GPD1L: variants seen among roughly 807,000 people sequenced by gnomAD.
GPD1L encodes glycerol-3-phosphate dehydrogenase 1-like protein.
GPD1L carries 17 observed loss-of-function variants against 32.9 expected under a neutral mutation model. That is an observed-to-expected ratio of 0.52 (90% CI 0.35 to 0.78). The LOEUF is 0.78. Ranked by LOEUF, GPD1L falls within the 30% of genes least tolerant of loss-of-function variation. The probability of loss-of-function intolerance (pLI) is 0.01; values close to 1 mark genes in which losing one functional copy is unlikely to be tolerated. For missense variants in GPD1L, 361 were observed against 447.8 expected, an observed-to-expected ratio of 0.81 and a Z score of 1.75; for synonymous variants, 187 against 165.9, an observed-to-expected ratio of 1.13 and a Z score of -0.98.
intron 1 of GPD1L, among the ~76,000 whole-genome samples, chr3:32,115,210 A>G (rs1263556052): frequency 6.6e-6 from 1 of 151,888 alleles, no homozygotes; most frequent in East Asian, 1.9e-4. Context: ...TGCATTTACA[A>G]TCCTTTAGCT....
intron 1 of GPD1L, among the ~76,000 whole-genome samples, chr3:32,114,689 T>C (rs935750937): frequency 7.2e-5 from 11 of 152,266 alleles, no homozygotes; most frequent in African/African-American, 2.4e-4. Context: ...ACTTCGAGAA[T>C]GAAGCCGCGG....
intron 2 of GPD1L, 102 bp downstream of exon 2, chr3:32,128,355 C>T: frequency 1.1e-6 from 1 of 948,582 alleles, no homozygotes. Context: ...CCCTTTTCCC[C>T]AGTTCCTTTC....
intron 2 of GPD1L, among the ~76,000 whole-genome samples, chr3:32,129,461 A>G (rs1700556895): frequency 6.6e-6 from 1 of 152,184 alleles, no homozygotes. Flanking sequence ...AATCCTCTCA[A>G]TAACCCTCTT....
chr3:32,151,503 A>C, intron 5 of GPD1L: 1 of 332,000 alleles, frequency 3.0e-6, no homozygotes, highest in Non-Finnish European at 5.5e-6. Context: ...TTTTTGAGAC[A>C]GGGTCTCACT....
At chr3:32,149,812 G>T (rs991116708) in intron 5 of GPD1L, among the ~76,000 whole-genome samples, 1 of 152,142 alleles carries the variant, frequency 6.6e-6, no homozygotes, top group Non-Finnish European at 1.5e-5. Flanking sequence ...AGCTGGGCGT[G>T]GTGGTGTGTG....
At chr3:32,153,450 G>A (rs994820397) in intron 5 of GPD1L, among the ~76,000 whole-genome samples, 2 of 152,090 alleles carry the variant, frequency 1.3e-5, no homozygotes, top group African/African-American at 2.4e-5. Context: ...TTCTATCATT[G>A]CAGAAACTTC....
rs376067025 is a variant in GPD1L at position 32,110,311 on chromosome 3, AT to A, written c.47+3562del. Among the ~76,000 whole-genome samples the A allele has an allele frequency of 6.6e-5, 10 of 152,028 alleles. No individual in the cohort carries two copies. In the South Asian group the frequency reaches 1.7e-3, roughly 25 times the overall value. On this transcript the variant is annotated intron_variant, in intron 1 of 7. Transcript: ENST00000282541. The stretch of plus-strand genomic sequence containing the variant: ...CTTAATCATATCCCCTGAGAATGAG[AT>A]TTTTTTTTCTGAAGGAACTTTAGCC...
intron 2 of GPD1L, among the ~76,000 whole-genome samples, chr3:32,129,221 C>A (rs1030772364): frequency 1.3e-5 from 2 of 152,164 alleles, no homozygotes; most frequent in African/African-American, 4.8e-5. Context: ...CCTTTGTTAA[C>A]GAAATACCCT....
intron 1 of GPD1L, 143 bp from the exon 2 acceptor site, chr3:32,127,933 T>C (rs1700535065): frequency 2.9e-6 from 2 of 696,152 alleles, no homozygotes; most frequent in South Asian, 1.6e-5. Context: ...TTCAAATGGC[T>C]TGGGGCTGAT....
intron 1 of GPD1L, among the ~76,000 whole-genome samples, chr3:32,111,730 G>C (rs1351550229): frequency 1.3e-5 from 2 of 152,042 alleles, no homozygotes; most frequent in African/African-American, 4.8e-5. Flanking sequence ...TCACCCCACA[G>C]CCTGACATTT....
intron 2 of GPD1L, among the ~76,000 whole-genome samples, chr3:32,136,775 T>TC (rs1553659471): frequency 1.3e-5 from 2 of 152,096 alleles, no homozygotes; most frequent in South Asian, 2.1e-4. Flanking sequence ...TGTTTTTTTT[T>TC]CCCCTGTACC....
rs748172518 is a variant in GPD1L at position 32,146,727 on chromosome 3, C to T, written c.611C>T (p.Ala204Val). ...DDADTVELCG[A>V]LKNIVAVGAG... is the part of the protein sequence containing the mutation. The stretch of plus-strand genomic sequence containing the variant: ...GCAGACACTGTTGAACTCTGTGGTG[C>T]GCTTAAGGTAAAGTCAGCCTCAGGG... Residue 204 changes from alanine to valine, a missense_variant, in exon 5 of 8, where the codon GCG becomes GTG. Transcript: ENST00000282541. 3.8e-6 allele frequency: 6 copies of T among 1,595,186 alleles called. No homozygotes were observed. The highest frequency in any genetic ancestry group is 5.2e-6 in the Non-Finnish European group (6 of 1,163,278).
At chr3:32,114,218 C>T (rs561130071) in intron 1 of GPD1L, among the ~76,000 whole-genome samples, 9 of 152,338 alleles carry the variant, frequency 5.9e-5, no homozygotes, top group African/African-American at 1.9e-4. Context: ...CTTCAGCCAG[C>T]GTGACAGGGG....
intron 1 of GPD1L, among the ~76,000 whole-genome samples, chr3:32,123,304 T>C (rs1700452328): frequency 6.6e-6 from 1 of 152,212 alleles, no homozygotes; most frequent in African/African-American, 2.4e-5. Context: ...GACAGTGTTA[T>C]AAAATTCTTG....
At chr3:32,116,840 G>A (rs1431611678) in intron 1 of GPD1L, among the ~76,000 whole-genome samples, 1 of 152,138 alleles carries the variant, frequency 6.6e-6, no homozygotes, top group South Asian at 2.1e-4. Context: ...CACTTTATGT[G>A]TTATCTGAGT....
At chr3:32,110,843 A>G (rs1425227230) in intron 1 of GPD1L, among the ~76,000 whole-genome samples, 1 of 152,228 alleles carries the variant, frequency 6.6e-6, no homozygotes, top group Non-Finnish European at 1.5e-5. Context: ...TCTTTCAAAG[A>G]TGAAACAGTT....
chr3:32,128,137 A>G lies in GPD1L; in HGVS notation c.109A>G (p.Thr37Ala). 2.5e-6 allele frequency: 4 copies of G among 1,612,460 alleles called. No homozygotes were observed. The highest frequency in any genetic ancestry group is 2.2e-5 in the East Asian group (1 of 44,878). Reference sequence around the variant, plus strand: ...CAAGAAACTTCAGAAATTTGCCTCCACAGTCAAGATGTGGGTCTTTGAAGA... The same window carrying G: ...CAAGAAACTTCAGAAATTTGCCTCCGCAGTCAAGATGTGGGTCTTTGAAGA... The part of the protein sequence containing the change: ...NVKKLQKFAS[T>A]VKMWVFEETV... Residue 37 changes from threonine (T) to alanine (A), a missense_variant, in exon 2 of 8, where the codon ACA (threonine) becomes GCA (alanine). Coordinates refer to ENST00000282541, the MANE Select transcript of GPD1L (RefSeq NM_015141.4).
intron 1 of GPD1L, among the ~76,000 whole-genome samples, chr3:32,121,624 T>TTA (rs541151332): frequency 0.017 from 1,109 of 65,858 alleles, 233 homozygotes; most frequent in African/African-American, 0.14. Flanking sequence ...TCTATATATA[T>TTA]TATATATATT....
chr3:32,148,237 C>A (rs576383130), intron 5 of GPD1L, among the ~76,000 whole-genome samples: 27 of 152,236 alleles, frequency 1.8e-4, no homozygotes, highest in African/African-American at 6.3e-4. Context: ...GAAACCCTGC[C>A]CAGAGCAAAG....
Sources: gnomAD v4.1 joint callset for allele counts (sites outside exome capture counted in the v4.1 genomes callset) on GRCh38, gnomAD v4.1.1 for gene constraint, MANE v1.5 for transcripts, NCBI Gene and HGNC (gene_info 2026-07-23, HGNC 2026-07-21) for gene names.